C1orf94: variants seen among roughly 807,000 people sequenced by gnomAD.
C1orf94 encodes chromosome 1 open reading frame 94.
Under a neutral mutation model 53.6 loss-of-function variants are expected in C1orf94, and 45 were observed. The ratio of observed to expected loss-of-function variants is 0.84; its 90% CI spans 0.66 to 1.08. The LOEUF (loss-of-function observed/expected upper bound fraction) is 1.08. C1orf94 is among the 50% of genes least tolerant of loss of function. The pLI is 0.00. For synonymous variants in C1orf94, 304 were observed against 296.1 expected, an observed-to-expected ratio of 1.03 and a Z score of -0.27; for missense variants, 762 against 738.9, an observed-to-expected ratio of 1.03 and a Z score of -0.36.
chr1:34,193,122 A>G (rs1272353011), intron 1 of C1orf94, among the ~76,000 whole-genome samples: 2 of 152,106 alleles, frequency 1.3e-5, no homozygotes, highest in Non-Finnish European at 2.9e-5. Flanking sequence ...TGAATCAGGG[A>G]CTTTTAACTA....
chr1:34,201,090 G>A (rs1049730908), intron 3 of C1orf94, 58 bp downstream of exon 3: 2 of 1,539,926 alleles, frequency 1.3e-6, no homozygotes, highest in Non-Finnish European at 1.8e-6. Flanking sequence ...GACCCTCACA[G>A]GCTTCAGGGT....
intron 6 of C1orf94, among the ~76,000 whole-genome samples, chr1:34,216,713 A>G (rs561466128): frequency 1.3e-5 from 2 of 152,374 alleles, no homozygotes; most frequent in African/African-American, 4.8e-5. Context: ...GCACACATTC[A>G]TCATGGTGGA....
chr1:34,211,213 T>A (rs1445415608), intron 5 of C1orf94, among the ~76,000 whole-genome samples: 1 of 152,178 alleles, frequency 6.6e-6, no homozygotes, highest in East Asian at 1.9e-4. Flanking sequence ...ATTTAGGTAT[T>A]CAAGCAGATG....
upstream of C1orf94, among the ~76,000 whole-genome samples, chr1:34,176,279 C>T (rs547330541): frequency 6.6e-6 from 1 of 152,138 alleles, no homozygotes; most frequent in Non-Finnish European, 1.5e-5. Context: ...TTCTTTCTTC[C>T]GTCTCCACCC....
intron 1 of C1orf94, among the ~76,000 whole-genome samples, chr1:34,195,712 A>G (rs1434232493): frequency 1.3e-5 from 2 of 151,722 alleles, no homozygotes; most frequent in East Asian, 3.9e-4. Context: ...TGTTAAATGC[A>G]GTGACTACTC....
chr1:34,189,545 C>CTT (rs1158451880), intron 1 of C1orf94, among the ~76,000 whole-genome samples: 3 of 152,230 alleles, frequency 2.0e-5, no homozygotes, highest in Non-Finnish European at 2.9e-5. Context: ...AAATAGGTAT[C>CTT]TGTCAGAGAA....
At chr1:34,195,477 C>T (rs1163168908) in intron 1 of C1orf94, among the ~76,000 whole-genome samples, 1 of 152,092 alleles carries the variant, frequency 6.6e-6, no homozygotes, top group Non-Finnish European at 1.5e-5. Context: ...GGTGATGTTC[C>T]ATGTGGGGGT....
At chr1:34,183,292 A>G (rs1377238552) in intron 1 of C1orf94, among the ~76,000 whole-genome samples, 3 of 152,250 alleles carry the variant, frequency 2.0e-5, no homozygotes, top group Admixed American at 6.5e-5. Flanking sequence ...TTCAAGGATT[A>G]CTTATTCATT....
chr1:34,201,291 G>C (rs1026107662), intron 3 of C1orf94, among the ~76,000 whole-genome samples: 1 of 152,166 alleles, frequency 6.6e-6, no homozygotes, highest in Non-Finnish European at 1.5e-5. Flanking sequence ...CCCTGACCCA[G>C]CATGTATTAT....
At chr1:34,203,849 A>T (rs1379244991) in intron 4 of C1orf94, among the ~76,000 whole-genome samples, 1 of 152,260 alleles carries the variant, frequency 6.6e-6, no homozygotes, top group East Asian at 1.9e-4. Context: ...AATTAAATAA[A>T]TGTCCACTCT....
chr1:34,178,131 T>C, intron 1 of C1orf94, 22 bp downstream of exon 1: 2 of 1,543,296 alleles, frequency 1.3e-6, no homozygotes, highest in Non-Finnish European at 1.8e-6. Context: ...CCTACTCCAT[T>C]GGCAGCAAGG....
chr1:34,202,344 A>C, intron 4 of C1orf94, 85 bp downstream of exon 4: 1 of 1,464,808 alleles, frequency 6.8e-7, no homozygotes. Flanking sequence ...GGTCTATTTC[A>C]CAGAGTCTTT....
intron 1 of C1orf94, among the ~76,000 whole-genome samples, chr1:34,178,465 T>C (rs1302685305): frequency 6.6e-6 from 1 of 152,170 alleles, no homozygotes; most frequent in Non-Finnish European, 1.5e-5. Flanking sequence ...ATCCTTCCCC[T>C]CTCCCACCTA....
At chr1:34,186,707 G>C (rs1474996301) in intron 1 of C1orf94, among the ~76,000 whole-genome samples, 2 of 152,200 alleles carry the variant, frequency 1.3e-5, no homozygotes, top group African/African-American at 2.4e-5. Context: ...CTCTCTTCTT[G>C]ACCATTGGCC....
At chr1:34,180,471 G>A (rs1406109391) in intron 1 of C1orf94, among the ~76,000 whole-genome samples, 1 of 152,188 alleles carries the variant, frequency 6.6e-6, no homozygotes, top group East Asian at 1.9e-4. Context: ...ATTTATAAGT[G>A]AAATTACTTT....
chr1:34,174,993 G>C (rs1408879647), upstream of C1orf94, among the ~76,000 whole-genome samples: 5 of 152,068 alleles, frequency 3.3e-5, no homozygotes, highest in Non-Finnish European at 7.4e-5. Context: ...CAAATGAGGA[G>C]CTGAATTTTT....
intron 6 of C1orf94, among the ~76,000 whole-genome samples, chr1:34,217,959 G>A (rs1643017337): frequency 6.6e-6 from 1 of 152,206 alleles, no homozygotes; most frequent in Non-Finnish European, 1.5e-5. Context: ...TTCCAGCAGT[G>A]TGAGTAAATG....
rs1642928546 is a variant in C1orf94 at position 34,213,399 on chromosome 1, G to T, written c.1721+993G>T. ...TAGTCAGATCTGTTTGGGAAAAGCT[G>T]TGGGAAACAGAGATAAACAGATTTC... On this transcript the variant is annotated intron_variant, in intron 6 of 6. Transcript: ENST00000488417. 1.3e-5 allele frequency among the ~76,000 whole-genome samples: 2 copies of T among 152,200 alleles called. 1 individual carries two copies. The highest frequency in any genetic ancestry group is 4.8e-5 in the African/African-American group (2 of 41,444).
At chr1:34,209,596 GC>G (rs1294588290) in intron 5 of C1orf94, among the ~76,000 whole-genome samples, 1 of 152,180 alleles carries the variant, frequency 6.6e-6, no homozygotes, top group Admixed American at 6.5e-5. Context: ...TCCCCAGGGA[GC>G]CCCACCCTCC....
Sources: allele counts gnomAD v4.1 joint callset (sites outside exome capture counted in the v4.1 genomes callset), GRCh38; gene constraint gnomAD v4.1.1; transcripts MANE v1.5; gene names NCBI Gene and HGNC (gene_info 2026-07-23, HGNC 2026-07-21).